The following ATAD3B variants were observed in gnomAD, a reference collection of about 807,000 sequenced individuals.
ATAD3B encodes the protein ATPase family AAA domain-containing protein 3B.
Under a neutral mutation model 70.2 loss-of-function variants are expected in ATAD3B, and 59 were observed. The ratio of observed to expected loss-of-function variants is 0.84; its 90% CI spans 0.68 to 1.04. The LOEUF (loss-of-function observed/expected upper bound fraction) is 1.04, where lower values mean the gene tolerates loss of function less well. Among genes scored for constraint, ATAD3B ranks in the 50% least tolerant of loss-of-function variants. The probability of loss-of-function intolerance (pLI) is 0.00; values close to 1 mark genes in which losing one functional copy is unlikely to be tolerated. For missense variants in ATAD3B, 961 were observed against 913.4 expected, an observed-to-expected ratio of 1.05 and a Z score of -0.67; for synonymous variants, 423 against 388.6, an observed-to-expected ratio of 1.09 and a Z score of -1.04.
chr1:1,482,440 C>T (rs1021681244), intron 6 of ATAD3B, 105 bp from the exon 7 acceptor site: 40 of 1,600,600 alleles, frequency 2.5e-5, no homozygotes, highest in Non-Finnish European at 3.2e-5. Context: ...CCCCTCTGTC[C>T]TGGCAAGGCC....
At chr1:1,500,066 T>A (rs1640911468), downstream of ATAD3B, among the ~76,000 whole-genome samples, 1 of 150,302 alleles carries the variant, frequency 6.7e-6, no homozygotes, top group Admixed American at 6.6e-5. Context: ...CCCGGCTAAG[T>A]TTTTGTATTT....
At chr1:1,492,639 A>G (rs1459207473) in intron 15 of ATAD3B, among the ~76,000 whole-genome samples, 2 of 151,518 alleles carry the variant, frequency 1.3e-5, no homozygotes, top group Non-Finnish European at 1.5e-5. Context: ...TACTAAAAAT[A>G]CAAAAATTAA....
At chr1:1,490,447 C>G in intron 14 of ATAD3B, 23 bp downstream of exon 14, 1 of 1,612,666 alleles carries the variant, frequency 6.2e-7, no homozygotes, top group Non-Finnish European at 8.5e-7. Context: ...CCTCACCCGG[C>G]CCCCAATCCA....
intron 15 of ATAD3B, among the ~76,000 whole-genome samples, chr1:1,492,571 G>A (rs1217372027): frequency 6.6e-6 from 1 of 151,874 alleles, no homozygotes. Context: ...CGAGGTGTTG[G>A]ATCACTTGAG....
rs1184794946 is a variant in ATAD3B at position 1,473,064 on chromosome 1, C to G, written c.205+975C>G. ...GCTCTCCAACTCCTGACCTCGTGAT[C>G]CGCCCGCCTTGTCCTCCTGAAGTGT... On this transcript the variant is annotated intron_variant, in intron 1 of 15. Coordinates refer to ENST00000673477, the MANE Select transcript of ATAD3B (RefSeq NM_031921.6). 4.7e-5 allele frequency among the ~76,000 whole-genome samples: 7 copies of G among 149,296 alleles called. 1 individual carries two copies. In the Admixed American group the frequency reaches 4.7e-4, roughly 10 times the overall value.
At chr1:1,509,464 G>A in the ATAD3B span, 307 of 1,580,240 alleles carry the variant, frequency 1.9e-4, 6 homozygotes, top group African/African-American at 1.9e-3. Flanking sequence ...CACGGGGGCC[G>A]CACCGCTGTG....
chr1:1,485,771 C>T lies in ATAD3B; in HGVS notation c.907-11C>T. The stretch of plus-strand genomic sequence containing the variant: ...GGTGACCCAATGGTGCTTCCCCTTC[C>T]CCTCCGGCAGGTCAGCCGGCGGCTC... On this transcript the variant is annotated splice_polypyrimidine_tract_variant and intron_variant, in intron 8 of 15. Transcript: ENST00000673477. 1 of 1,612,764 alleles carries T rather than the reference C, an allele frequency of 6.2e-7. No individual in the cohort carries two copies. The highest frequency in any genetic ancestry group is 8.5e-7 in the Non-Finnish European group (1 of 1,179,308).
At chr1:1,476,132 G>T (rs941588087) in intron 1 of ATAD3B, among the ~76,000 whole-genome samples, 2 of 143,280 alleles carry the variant, frequency 1.4e-5, no homozygotes, top group African/African-American at 5.7e-5. Flanking sequence ...GGCAGGTCCC[G>T]GTCTCATCTG....
chr1:1,496,827 AGGCCGGAG>A lies in ATAD3B; in HGVS notation c.*1012_*1019del, dbSNP rs1640812101. 6.8e-6 allele frequency: 1 copy of A among 147,896 alleles called. No homozygotes were observed. The highest frequency in any genetic ancestry group is 6.7e-5 in the Admixed American group (1 of 14,866). The allele number at this position is 147,896 out of a possible 1,614,324, so 9.2% of individuals were successfully genotyped here. Reference sequence around the variant, plus strand: ...TGCGTCCCTGTCTTGGCTCAAGGTCAGGCCGGAGGCCAGGCTGTCCACCTGCATCTGGA... The same window carrying A: ...TGCGTCCCTGTCTTGGCTCAAGGTCAGCCAGGCTGTCCACCTGCATCTGGA... On this transcript the variant is annotated 3_prime_UTR_variant, in exon 16 of 16. Coordinates refer to ENST00000673477, the MANE Select transcript of ATAD3B (RefSeq NM_031921.6).
intron 15 of ATAD3B, 43 bp from the exon 16 acceptor site, chr1:1,495,442 G>A (rs751389319): frequency 4.5e-6 from 7 of 1,556,814 alleles, no homozygotes; most frequent in Non-Finnish European, 6.1e-6. Context: ...AAGGGTGGCG[G>A]GTTCCCATAG....
chr1:1,500,495 T>C (rs1640919502), downstream of ATAD3B, among the ~76,000 whole-genome samples: 1 of 140,104 alleles, frequency 7.1e-6, no homozygotes, highest in South Asian at 2.3e-4. Flanking sequence ...GAGCTTGCAG[T>C]GAGTCGAGAT....
At chr1:1,508,370 G>A in the ATAD3B span, among the ~76,000 whole-genome samples, 1 of 151,308 alleles carries the variant, frequency 6.6e-6, no homozygotes, top group East Asian at 1.9e-4. Context: ...ACGGTGTTGT[G>A]GGAGGATGGT....
chr1:1,503,578 C>T, the ATAD3B span: 129 of 1,609,810 alleles, frequency 8.0e-5, 2 homozygotes, highest in East Asian at 2.7e-3. Flanking sequence ...GCCCCTGTGC[C>T]TGCAGGCCAC....
rs747954095 is a variant in ATAD3B, at chr1:1,480,830, T to A, written c.445-37T>A. The stretch of plus-strand genomic sequence containing the variant: ...ATTGGTGTTGAGCATTTTTCTGGTT[T>A]TAAAGGCTTTTCTCTTTTTCTGCGG... On this transcript the variant is annotated intron_variant, in intron 4 of 15. Coordinates refer to ENST00000673477, the MANE Select transcript of ATAD3B (RefSeq NM_031921.6). 24 of 1,593,946 alleles carry A rather than the reference T, an allele frequency of 1.5e-5. 3 individuals carry two copies. The highest frequency in any genetic ancestry group is 2.0e-5 in the Non-Finnish European group (24 of 1,171,290).
In ATAD3B at chr1:1,490,306, A is replaced by T. The variant is rs765193625; in HGVS notation, c.1387A>T (p.Ile463Phe). The change falls in exon 14 of 16, where the codon ATC becomes TTC. Residue 463 changes from isoleucine (I) to phenylalanine (F), a missense_variant. Around this residue, in one of 4 missense-constraint regions of ATAD3B, gnomAD observed 417 missense variants for 335.0 expected, o/e 1.24. Transcript: ENST00000673477. ...SNLPEQFDCA[I>F]NSRIDVMVHF... The stretch of plus-strand genomic sequence containing the variant: ...TCTGCCTGAGCAGTTCGACTGTGCC[A>T]TCAACAGCCGCATTGACGTGATGGT... 6.2e-7 allele frequency: 1 copy of T among 1,613,136 alleles called. No individual in the cohort carries two copies. Among genetic ancestry groups the T allele is most frequent in the Non-Finnish European group, 8.5e-7 (1 of 1,179,670 alleles).
Position 1,490,635 on chromosome 1 carries a change from G to T in ATAD3B, c.1578G>T (p.Ser526=), listed in dbSNP as rs778825204. 4 of 1,605,360 alleles carry T rather than the reference G, an allele frequency of 2.5e-6. No homozygotes were observed. Among genetic ancestry groups the T allele is most frequent in the Middle Eastern group, 1.7e-4 (1 of 6,046 alleles). ...TCGCTCGGCTGACGGAGGGCATGTC[G>T]GGCCGGGAGATCGCTCAGCTGGCCG... The part of the protein sequence containing the change: ...SEVARLTEGM[S]GREIAQLAVS... The change falls in exon 15 of 16, where the codon TCG becomes TCT. Residue 526 remains serine, a synonymous_variant. Transcript: ENST00000673477.
chr1:1,486,304 G>A, intron 10 of ATAD3B, 69 bp downstream of exon 10: 2 of 1,607,634 alleles, frequency 1.2e-6, no homozygotes, highest in African/African-American at 2.7e-5. Flanking sequence ...GGTGTCTGGG[G>A]GCCTCAGCCG....
At chr1:1,508,257 T>A in the ATAD3B span, among the ~76,000 whole-genome samples, 2 of 151,200 alleles carry the variant, frequency 1.3e-5, no homozygotes, top group African/African-American at 4.9e-5. Flanking sequence ...GTGGTCCAGC[T>A]CCGGTCAGTG....
intron 1 of ATAD3B, among the ~76,000 whole-genome samples, chr1:1,473,567 C>G (rs1336804086): frequency 4.0e-5 from 6 of 150,752 alleles, no homozygotes; most frequent in African/African-American, 1.2e-4. Context: ...GCCATCTTGT[C>G]TCACTGCAAA....
Sources: allele counts gnomAD v4.1 joint callset (sites outside exome capture counted in the v4.1 genomes callset), GRCh38; gene constraint gnomAD v4.1.1; regional missense constraint gnomAD v4.1.1; transcripts MANE v1.5; gene names NCBI Gene and HGNC (gene_info 2026-07-23, HGNC 2026-07-21).